TTC28: variants seen among roughly 807,000 people sequenced by gnomAD.
TTC28 encodes the protein tetratricopeptide repeat domain 28, also known as tetratricopeptide repeat protein 28.
In TTC28, 61 loss-of-function variants were observed where a neutral mutation model predicts 198.0. The ratio of observed to expected loss-of-function variants is 0.31; its 90% confidence interval spans 0.25 to 0.38. The LOEUF is 0.38. Ranked by LOEUF, TTC28 falls within the 10% of genes least tolerant of loss-of-function variation. The pLI is 1.00. For missense variants in TTC28, 2,678 were observed against 3,164.0 expected (o/e 0.85, Z 3.69); for synonymous variants, 1,171 against 1,297.8 (o/e 0.90, Z 2.10).
intron 6 of TTC28, among the ~76,000 whole-genome samples, chr22:28,133,991 AG>A (rs1327544567): frequency 6.6e-6 from 1 of 152,210 alleles, no homozygotes; most frequent in African/African-American, 2.4e-5. Context: ...TCACGCGGCC[AG>A]GTACCCCTCT....
At chr22:28,261,446 C>T (rs959340304) in intron 5 of TTC28, among the ~76,000 whole-genome samples, 5 of 152,046 alleles carry the variant, frequency 3.3e-5, no homozygotes, top group African/African-American at 1.2e-4. Context: ...AAAAGGAGCT[C>T]AAGCTCCGAA....
intron 2 of TTC28, among the ~76,000 whole-genome samples, chr22:28,529,701 G>A (rs868681288): frequency 1.2e-4 from 19 of 152,260 alleles, no homozygotes; most frequent in African/African-American, 3.8e-4. Context: ...CCTACGAGAC[G>A]AAGCTTCCAG....
At chr22:28,300,908 C>A (rs2045008152) in intron 3 of TTC28, among the ~76,000 whole-genome samples, 1 of 152,120 alleles carries the variant, frequency 6.6e-6, no homozygotes, top group South Asian at 2.1e-4. Context: ...CATACAGACA[C>A]CTGTATTTAA....
chr22:28,517,808 T>C (rs1479910916), intron 2 of TTC28, among the ~76,000 whole-genome samples: 3 of 152,194 alleles, frequency 2.0e-5, no homozygotes, highest in Non-Finnish European at 4.4e-5. Context: ...GGCTGTAGGG[T>C]GAAAATATTT....
chr22:28,054,017 A>G (rs1172524213), intron 12 of TTC28, among the ~76,000 whole-genome samples: 1 of 152,188 alleles, frequency 6.6e-6, no homozygotes, highest in Non-Finnish European at 1.5e-5. Context: ...TGACACACTT[A>G]GTGAGTCAGA....
Position 27,981,312 on chromosome 22 carries a change from G to T in TTC28, c.*909C>A, listed in dbSNP as rs1371263264. On this transcript the variant is annotated 3_prime_UTR_variant, in exon 23 of 23. Transcript: ENST00000397906. ...CATTTCAACCTTTCCTTCCAAACTT[G>T]ATAATTACTTATTGATGACTATTCA... 1 of 116,566 alleles carries T rather than the reference G, an allele frequency of 8.6e-6. No homozygotes were observed. The highest frequency in any genetic ancestry group is 1.6e-5 in the Non-Finnish European group (1 of 61,644). 7.2% of individuals were successfully genotyped at this position (116,566 alleles called of 1,614,324 possible). A position where few individuals can be genotyped will look rare whatever the true frequency, so the allele number is the denominator to read the frequency against.
chr22:28,118,707 T>C (rs949673314), intron 6 of TTC28, among the ~76,000 whole-genome samples: 1 of 152,192 alleles, frequency 6.6e-6, no homozygotes, highest in Non-Finnish European at 1.5e-5. Flanking sequence ...GAATGATGCA[T>C]CTCAGAATGT....
chr22:28,654,407 A>C (rs1368976866), intron 1 of TTC28, among the ~76,000 whole-genome samples: 2 of 152,154 alleles, frequency 1.3e-5, no homozygotes, highest in Non-Finnish European at 2.9e-5. Context: ...AGCTCACTGC[A>C]ACCTCTGCCT....
At chr22:27,984,511 C>T (rs1747242001) in intron 22 of TTC28, among the ~76,000 whole-genome samples, 1 of 152,052 alleles carries the variant, frequency 6.6e-6, no homozygotes, top group Admixed American at 6.5e-5. Flanking sequence ...AGGACACAAT[C>T]CTCTTCCCCT....
chr22:28,334,174 C>T (rs2045666303), intron 2 of TTC28, among the ~76,000 whole-genome samples: 1 of 151,996 alleles, frequency 6.6e-6, no homozygotes, highest in Non-Finnish European at 1.5e-5. Flanking sequence ...CTACAAAGGA[C>T]ATGAACTCAT....
intron 5 of TTC28, among the ~76,000 whole-genome samples, chr22:28,192,058 C>G (rs970419150): frequency 2.0e-5 from 3 of 152,204 alleles, no homozygotes; most frequent in Admixed American, 1.3e-4. Flanking sequence ...CAGACTGACA[C>G]CTCACACGGC....
At chr22:28,105,229 G>A in intron 8 of TTC28, 50 bp downstream of exon 8, 1 of 1,519,704 alleles carries the variant, frequency 6.6e-7, no homozygotes, top group Non-Finnish European at 8.9e-7. Context: ...TTCTGACTCT[G>A]AACTTGATTT....
intron 6 of TTC28, among the ~76,000 whole-genome samples, chr22:28,127,379 C>T (rs1942944017): frequency 6.6e-6 from 1 of 152,172 alleles, no homozygotes; most frequent in South Asian, 2.1e-4. Context: ...CACAGCATTA[C>T]ACTTACTCCA....
intron 5 of TTC28, among the ~76,000 whole-genome samples, chr22:28,238,683 A>G (rs17409164): frequency 0.055 from 8,314 of 152,216 alleles, 348 homozygotes; most frequent in Admixed American, 0.14. Flanking sequence ...TGGGTGTTCA[A>G]CAAGGTCTTT....
At chr22:28,117,616 G>A (rs1310594729) in intron 6 of TTC28, among the ~76,000 whole-genome samples, 1 of 152,080 alleles carries the variant, frequency 6.6e-6, no homozygotes, top group Non-Finnish European at 1.5e-5. Context: ...TGGTGCCCTC[G>A]AGTTAGTTAA....
intron 2 of TTC28, among the ~76,000 whole-genome samples, chr22:28,610,479 C>A (rs1417394087): frequency 6.6e-6 from 1 of 152,194 alleles, no homozygotes; most frequent in East Asian, 1.9e-4. Flanking sequence ...CAAACTCCAA[C>A]AGACCTGCAG....
At chr22:28,545,765 T>C (rs2049526638) in intron 2 of TTC28, among the ~76,000 whole-genome samples, 1 of 151,934 alleles carries the variant, frequency 6.6e-6, no homozygotes, top group South Asian at 2.1e-4. Context: ...TAACAATAAA[T>C]CTAACGTAAT....
At chr22:28,492,819 A>G (rs995182004) in intron 2 of TTC28, among the ~76,000 whole-genome samples, 1 of 152,210 alleles carries the variant, frequency 6.6e-6, no homozygotes, top group Non-Finnish European at 1.5e-5. Flanking sequence ...AAAATGAACA[A>G]AATTCCTCTA....
chr22:28,404,977 T>G lies in TTC28; in HGVS notation c.382-98334A>C, dbSNP rs993055958. On this transcript the variant is annotated intron_variant, in intron 2 of 22. Coordinates refer to ENST00000397906, the MANE Select transcript of TTC28 (RefSeq NM_001145418.2). Reference sequence around the variant, plus strand: ...TCCTGTTTGCCCATTGGTTCACTATTTAATAGTGTGTGTTGTTGAGACAAG... The same window carrying G: ...TCCTGTTTGCCCATTGGTTCACTATGTAATAGTGTGTGTTGTTGAGACAAG... Among the ~76,000 whole-genome samples, 23 of 145,512 alleles carry G rather than the reference T, an allele frequency of 1.6e-4. No homozygotes were observed. In the East Asian group the frequency reaches 3.8e-3, roughly 24 times the overall value.
Sources: allele counts gnomAD v4.1 joint callset (sites outside exome capture counted in the v4.1 genomes callset), GRCh38; gene constraint gnomAD v4.1.1; transcripts MANE v1.5; gene names NCBI Gene and HGNC (gene_info 2026-07-23, HGNC 2026-07-21).